The following OR9Q1 variants were observed in gnomAD, a reference collection of about 807,000 sequenced individuals.
The protein encoded by OR9Q1 is olfactory receptor 9Q1.
For missense variants in OR9Q1, 374 were observed against 378.8 expected (o/e 0.99, Z 0.11); for synonymous variants, 153 against 148.6 (o/e 1.03, Z -0.22).
At chr11:58,120,039 T>C (rs1472892649) in intron 2 of OR9Q1, among the ~76,000 whole-genome samples, 1 of 152,228 alleles carries the variant, frequency 6.6e-6, no homozygotes, top group African/African-American at 2.4e-5. Context: ...TCTTACTATA[T>C]AATTATTCAA....
At chr11:58,123,776 C>T (rs896907549) in intron 2 of OR9Q1, among the ~76,000 whole-genome samples, 5 of 152,166 alleles carry the variant, frequency 3.3e-5, no homozygotes, top group African/African-American at 1.2e-4. Flanking sequence ...AAGCCCCAAA[C>T]CTTTAAAATC....
intron 2 of OR9Q1, among the ~76,000 whole-genome samples, chr11:58,061,434 G>A (rs997446864): frequency 2.7e-4 from 41 of 152,300 alleles, no homozygotes; most frequent in Non-Finnish European, 5.9e-4. Context: ...GACTCTAAGA[G>A]GCAAATACAT....
At chr11:58,130,498 T>C (rs2119840621) in intron 2 of OR9Q1, among the ~76,000 whole-genome samples, 2 of 152,190 alleles carry the variant, frequency 1.3e-5, no homozygotes, top group East Asian at 1.9e-4. Context: ...AAAATAAAAG[T>C]GCCCTTTTCC....
chr11:58,056,830 C>G (rs1853333084), intron 2 of OR9Q1, among the ~76,000 whole-genome samples: 1 of 152,042 alleles, frequency 6.6e-6, no homozygotes, highest in African/African-American at 2.4e-5. Flanking sequence ...CTATGGGGTC[C>G]AGAGCCCCAT....
intron 2 of OR9Q1, among the ~76,000 whole-genome samples, chr11:58,120,923 C>G (rs960243895): frequency 1.3e-5 from 2 of 150,778 alleles, no homozygotes; most frequent in African/African-American, 4.9e-5. Context: ...TCCCTTCCAC[C>G]CCCTTAACAA....
chr11:58,140,324 C>T (rs927271620), intron 2 of OR9Q1, among the ~76,000 whole-genome samples: 11 of 152,186 alleles, frequency 7.2e-5, no homozygotes, highest in Middle Eastern at 3.4e-3. Flanking sequence ...GCTTTTGTTG[C>T]CATTGCTTTT....
At chr11:58,088,996 C>T (rs1853659151) in intron 2 of OR9Q1, among the ~76,000 whole-genome samples, 2 of 151,732 alleles carry the variant, frequency 1.3e-5, no homozygotes, top group African/African-American at 2.4e-5. Flanking sequence ...CCTGCCTCAT[C>T]CTCCTGAGTA....
chr11:58,160,007 G>T (rs1174235269), intron 2 of OR9Q1, among the ~76,000 whole-genome samples: 1 of 152,174 alleles, frequency 6.6e-6, no homozygotes, highest in Admixed American at 6.5e-5. Context: ...CTGAGGCTGG[G>T]CCATGAAAGG....
At position 58,091,969 on chromosome 11, in the gene OR9Q1, C is replaced by CTT. The variant is rs201459900; in HGVS notation, c.-15+36032_-15+36033dup. Among the ~76,000 whole-genome samples, 15 of 141,592 alleles carry CTT rather than the reference C, an allele frequency of 1.1e-4. No individual in the cohort carries two copies. The East Asian group carries it at 1.2e-3, about 12-fold the overall frequency. The allele number at this position is 141,592 out of a possible 152,430, so 92.9% of individuals were successfully genotyped here. ...CAGAGACTAGGATTGCAACCCTTGC[C>CTT]TTTTTTTTTTTGCTTTCCATTTGCT... On this transcript the variant is annotated intron_variant, in intron 2 of 2. Transcript: ENST00000335397.
intron 2 of OR9Q1, among the ~76,000 whole-genome samples, chr11:58,150,849 A>G (rs778318609): frequency 3.3e-5 from 5 of 152,216 alleles, no homozygotes; most frequent in Non-Finnish European, 7.3e-5. Flanking sequence ...AGCCCCAGGC[A>G]GGTCCTTCAG....
intron 2 of OR9Q1, among the ~76,000 whole-genome samples, chr11:58,162,112 A>G (rs1199264102): frequency 6.6e-6 from 1 of 152,206 alleles, no homozygotes; most frequent in Admixed American, 6.5e-5. Flanking sequence ...GAAACAAGAA[A>G]ACAAAGGAGT....
At chr11:58,071,448 A>G (rs1021802884) in intron 2 of OR9Q1, among the ~76,000 whole-genome samples, 2 of 152,148 alleles carry the variant, frequency 1.3e-5, no homozygotes, top group Non-Finnish European at 1.5e-5. Flanking sequence ...AGATGACGCC[A>G]CTGCACTCCA....
intron 2 of OR9Q1, among the ~76,000 whole-genome samples, chr11:58,179,106 C>A (rs1445686546): frequency 2.7e-5 from 4 of 150,702 alleles, no homozygotes; most frequent in Non-Finnish European, 4.4e-5. Flanking sequence ...AAGATGGGAG[C>A]TTTGACCTCC....
intron 2 of OR9Q1, chr11:58,073,015 G>T: frequency 4.7e-6 from 1 of 211,108 alleles, no homozygotes; most frequent in South Asian, 9.7e-5. Flanking sequence ...CTCCATTTCT[G>T]GTTTTTCTTA....
chr11:58,109,515 G>T (rs992151578), intron 2 of OR9Q1: 2 of 459,760 alleles, frequency 4.4e-6, no homozygotes, highest in Non-Finnish European at 8.8e-6. Context: ...CATCCACTTG[G>T]ATTAGAATGA....
chr11:58,080,865 C>CCT (rs754044497), intron 2 of OR9Q1, among the ~76,000 whole-genome samples: 24 of 152,094 alleles, frequency 1.6e-4, no homozygotes. Context: ...ACGTGCACCA[C>CCT]CTGCAGGTTT....
At chr11:58,145,656 G>C (rs1237158099) in intron 2 of OR9Q1, among the ~76,000 whole-genome samples, 1 of 152,186 alleles carries the variant, frequency 6.6e-6, no homozygotes, top group East Asian at 1.9e-4. Context: ...AAGGTCAAGA[G>C]ATCTTAAGCC....
At chr11:58,097,148 T>G (rs1284212993) in intron 2 of OR9Q1, among the ~76,000 whole-genome samples, 1 of 152,172 alleles carries the variant, frequency 6.6e-6, no homozygotes, top group Non-Finnish European at 1.5e-5. Context: ...GGCCTTGGCT[T>G]CTTTCATTCA....
intron 2 of OR9Q1, among the ~76,000 whole-genome samples, chr11:58,154,699 A>G (rs1854389503): frequency 6.6e-6 from 1 of 152,218 alleles, no homozygotes; most frequent in Non-Finnish European, 1.5e-5. Flanking sequence ...TGCATACACC[A>G]AAGTATCACA....
Sources: allele counts gnomAD v4.1 joint callset (sites outside exome capture counted in the v4.1 genomes callset), GRCh38; gene constraint gnomAD v4.1.1; transcripts MANE v1.5; gene names NCBI Gene and HGNC (gene_info 2026-07-23, HGNC 2026-07-21).